The following SH3BP5 variants were observed in gnomAD, a reference collection of about 807,000 sequenced individuals.
The protein encoded by SH3BP5 is SH3 domain-binding protein 5.
SH3BP5 carries 22 observed loss-of-function variants against 43.3 expected under a neutral mutation model. The observed-to-expected ratio is 0.51, with a 90% CI of 0.36 to 0.73. SH3BP5 has a LOEUF of 0.73. SH3BP5 is among the 30% of genes least tolerant of loss of function. The pLI, the probability that SH3BP5 is intolerant of heterozygous loss-of-function variation, is 0.00. For missense variants in SH3BP5, 529 were observed against 586.9 expected, an observed-to-expected ratio of 0.90 and a Z score of 1.02; for synonymous variants, 255 against 225.8, an observed-to-expected ratio of 1.13 and a Z score of -1.16.
chr3:15,268,321 G>A (rs191086882), intron 4 of SH3BP5, among the ~76,000 whole-genome samples: 107 of 152,312 alleles, frequency 7.0e-4, no homozygotes, highest in African/African-American at 2.5e-3. Flanking sequence ...ATTTAAAAGG[G>A]AAATCCTATT....
At chr3:15,340,420 G>C (rs1431524972) in intron 1 of SH3BP5, among the ~76,000 whole-genome samples, 2 of 152,168 alleles carry the variant, frequency 1.3e-5, no homozygotes, top group Non-Finnish European at 2.9e-5. Flanking sequence ...CAAAGCATCT[G>C]CTCTAGTGGA....
intron 3 of SH3BP5, among the ~76,000 whole-genome samples, chr3:15,279,336 T>C (rs926896434): frequency 4.6e-5 from 7 of 152,130 alleles, no homozygotes; most frequent in Non-Finnish European, 1.0e-4. Flanking sequence ...AAATCTATGG[T>C]ATGTATCTAC....
At chr3:15,338,745 C>T (rs1242572321) in intron 1 of SH3BP5, among the ~76,000 whole-genome samples, 1 of 151,646 alleles carries the variant, frequency 6.6e-6, no homozygotes, top group Admixed American at 6.6e-5. Context: ...AAAACCTAAA[C>T]ATGAAAACAG....
At chr3:15,320,581 T>C (rs547936927) in intron 2 of SH3BP5, among the ~76,000 whole-genome samples, 11 of 117,284 alleles carry the variant, frequency 9.4e-5, no homozygotes, top group African/African-American at 1.8e-4. Flanking sequence ...TGAGGTTCAA[T>C]AGAGGTTTAA....
At chr3:15,269,354 C>T (rs1696732140) in intron 4 of SH3BP5, among the ~76,000 whole-genome samples, 1 of 152,192 alleles carries the variant, frequency 6.6e-6, no homozygotes, top group African/African-American at 2.4e-5. Context: ...GTCTCCCCAT[C>T]ACAGATTCGA....
chr3:15,273,316 T>C (rs1696869573), intron 3 of SH3BP5: 1 of 985,296 alleles, frequency 1.0e-6, no homozygotes, highest in South Asian at 4.7e-5. Flanking sequence ...TTGACGGCCT[T>C]CTGAAAGGTG....
At chr3:15,264,436 A>G (rs1696562846) in intron 4 of SH3BP5, 1 of 152,222 alleles carries the variant, frequency 6.6e-6, no homozygotes, top group East Asian at 1.9e-4. Context: ...GAATTGTAAC[A>G]TCACTGTTAG....
In SH3BP5 at chr3:15,304,218, T is replaced by C. The variant is rs779716846; in HGVS notation, c.215A>G (p.Lys72Arg). Residue 72 changes from lysine to arginine, a missense_variant, in exon 3 of 9, where the codon AAG becomes AGG. Lys to Arg is a conservative substitution (Grantham distance 26). This residue lies in a region of SH3BP5 where 85 missense variants were observed against 140.8 expected (regional missense o/e 0.60). Transcript: ENST00000383791. ...RETELEDARQ[K>R]FRSVLVEATV... The stretch of plus-strand genomic sequence containing the variant: ...TGCTTCAACCAGAACAGAGCGGAAC[T>C]TCTGACGAGCATCCTGCAGCCAGGG... The C allele has an allele frequency of 2.2e-5, 36 of 1,614,074 alleles. No individual in the cohort carries two copies. Among genetic ancestry groups the C allele is most frequent in the Admixed American group, 3.3e-5 (2 of 60,010 alleles).
At chr3:15,265,512 T>TCACACACACA (rs368955496) in intron 4 of SH3BP5, among the ~76,000 whole-genome samples, 6,038 of 107,828 alleles carry the variant, frequency 0.056, 288 homozygotes, top group East Asian at 0.074. Flanking sequence ...CGAGACTCCG[T>TCACACACACA]CACACACACA....
chr3:15,300,989 C>T (rs953435277), intron 3 of SH3BP5, among the ~76,000 whole-genome samples: 4 of 152,082 alleles, frequency 2.6e-5, no homozygotes, highest in African/African-American at 9.7e-5. Flanking sequence ...CCTCACTAGC[C>T]AAGAGAAGGG....
intron 2 of SH3BP5, among the ~76,000 whole-genome samples, chr3:15,306,393 C>T (rs913185605): frequency 6.6e-6 from 1 of 152,006 alleles, no homozygotes; most frequent in African/African-American, 2.4e-5. Context: ...GGGCATGGTG[C>T]CGTGTGCCTA....
chr3:15,328,419 TA>T (rs56022759), intron 2 of SH3BP5, among the ~76,000 whole-genome samples: 21,286 of 139,952 alleles, frequency 0.15, 1,494 homozygotes, highest in Middle Eastern at 0.23. Flanking sequence ...TCAATGCTTT[TA>T]AAAAAAAAAA....
intron 3 of SH3BP5, among the ~76,000 whole-genome samples, chr3:15,299,737 T>A (rs1208831621): frequency 6.6e-6 from 1 of 152,038 alleles, no homozygotes; most frequent in Non-Finnish European, 1.5e-5. Flanking sequence ...CTTTGTAAAC[T>A]CTTCAAAGAA....
chr3:15,287,309 C>T (rs983022336), intron 3 of SH3BP5, among the ~76,000 whole-genome samples: 4 of 152,198 alleles, frequency 2.6e-5, no homozygotes, highest in East Asian at 3.8e-4. Flanking sequence ...TTTATGCACC[C>T]ATGCACATGT....
intron 2 of SH3BP5, among the ~76,000 whole-genome samples, chr3:15,314,100 T>C (rs910630379): frequency 6.6e-6 from 1 of 151,844 alleles, no homozygotes; most frequent in African/African-American, 2.4e-5. Context: ...AGACTCTGTC[T>C]CAAAAAATTA....
intron 2 of SH3BP5, among the ~76,000 whole-genome samples, chr3:15,328,978 T>C (rs1009474497): frequency 6.6e-6 from 1 of 152,046 alleles, no homozygotes; most frequent in African/African-American, 2.4e-5. Flanking sequence ...ATTTTTAGTC[T>C]TACTTAATTT....
intron 2 of SH3BP5, among the ~76,000 whole-genome samples, chr3:15,309,284 C>A (rs28394046): frequency 6.6e-6 from 1 of 151,978 alleles, no homozygotes; most frequent in Non-Finnish European, 1.5e-5. Context: ...TAGTATAGGG[C>A]TTTTTGTTTG....
chr3:15,302,785 T>C (rs902466497), intron 3 of SH3BP5, among the ~76,000 whole-genome samples: 10 of 152,032 alleles, frequency 6.6e-5, no homozygotes, highest in African/African-American at 2.2e-4. Flanking sequence ...AAACTTTGCA[T>C]TGTTGTTGCT....
chr3:15,304,401 C>T (rs1448725728), intron 2 of SH3BP5, 170 bp from the exon 3 acceptor site: 11 of 1,036,788 alleles, frequency 1.1e-5, no homozygotes, highest in Non-Finnish European at 1.3e-5. Flanking sequence ...AAACAGCTTC[C>T]TGCCACGGCG....
Sources: allele counts gnomAD v4.1 joint callset (sites outside exome capture counted in the v4.1 genomes callset), GRCh38; gene constraint gnomAD v4.1.1; regional missense constraint gnomAD v4.1.1; transcripts MANE v1.5; gene names NCBI Gene and HGNC (gene_info 2026-07-23, HGNC 2026-07-21).